The following LIPC variants were observed in gnomAD, a reference collection of about 807,000 sequenced individuals.
The protein encoded by LIPC is lipase C, hepatic type, also known as hepatic triacylglycerol lipase.
Under a neutral mutation model 50.7 loss-of-function variants are expected in LIPC, and 44 were observed. The ratio of observed to expected loss-of-function variants is 0.87; its 90% CI spans 0.68 to 1.11. The LOEUF (loss-of-function observed/expected upper bound fraction) is 1.11. Ranked by LOEUF, LIPC falls within the 50% of genes most tolerant of loss-of-function variation. The probability of loss-of-function intolerance (pLI) is 0.00; values close to 1 mark genes in which losing one functional copy is unlikely to be tolerated. For missense variants in LIPC, 697 were observed against 648.2 expected (o/e 1.08, Z -0.82); for synonymous variants, 271 against 256.4 (o/e 1.06, Z -0.54).
At chr15:58,439,031 G>GC (rs1170518424) in intron 1 of LIPC, among the ~76,000 whole-genome samples, 1 of 152,220 alleles carries the variant, frequency 6.6e-6, no homozygotes, top group East Asian at 1.9e-4. Flanking sequence ...CATATTCAGG[G>GC]CCTGGTGAAG....
At chr15:58,438,448 T>G (rs1384713453) in intron 1 of LIPC, among the ~76,000 whole-genome samples, 3 of 151,988 alleles carry the variant, frequency 2.0e-5, no homozygotes, top group South Asian at 2.1e-4. Flanking sequence ...AGCTGGGAAA[T>G]GGGGTCCAAC....
chr15:58,477,455 G>A (rs1891039068), intron 1 of LIPC, among the ~76,000 whole-genome samples: 1 of 152,230 alleles, frequency 6.6e-6, no homozygotes, highest in African/African-American at 2.4e-5. Flanking sequence ...GGGGAAGTGT[G>A]GGTGGAGCTT....
intron 1 of LIPC, among the ~76,000 whole-genome samples, chr15:58,453,292 C>T (rs1481128629): frequency 6.6e-6 from 1 of 152,132 alleles, no homozygotes; most frequent in Non-Finnish European, 1.5e-5. Flanking sequence ...ATCCCCAGCA[C>T]CACATGGGAC....
chr15:58,502,186 T>C (rs1892006159), intron 1 of LIPC, among the ~76,000 whole-genome samples: 3 of 152,186 alleles, frequency 2.0e-5, no homozygotes, highest in Admixed American at 2.0e-4. Context: ...TCTTCTCATT[T>C]TCTTTCCTTC....
At chr15:58,447,890 T>C (rs1344500190) in intron 1 of LIPC, among the ~76,000 whole-genome samples, 1 of 152,220 alleles carries the variant, frequency 6.6e-6, no homozygotes, top group Non-Finnish European at 1.5e-5. Flanking sequence ...GGCAGTGTTC[T>C]AGCACTGGAG....
intron 1 of LIPC, among the ~76,000 whole-genome samples, chr15:58,532,735 T>C (rs1484133064): frequency 1.3e-5 from 2 of 152,172 alleles, no homozygotes; most frequent in African/African-American, 4.8e-5. Flanking sequence ...CCTCCTATGG[T>C]AGAATCCCTG....
At position 58,482,703 on chromosome 15, in the gene LIPC, CCT is replaced by C. The variant is rs544718828; in HGVS notation, c.88+50584_88+50585del. On this transcript the variant is annotated intron_variant, in intron 1 of 8. Coordinates refer to ENST00000299022, the MANE Select transcript of LIPC (RefSeq NM_000236.3). ...AGACCCCTGGATGTCCCCCTAATCC[CCT>C]GAGAAGTACATCCTGTATTTCTGAG... is the stretch of plus-strand genomic sequence containing the variant. Among the ~76,000 whole-genome samples, 303 of 152,272 alleles carry C rather than the reference CCT, an allele frequency of 2.0e-3. 2 individuals carry two copies. Among genetic ancestry groups the C allele is most frequent in the African/African-American group, 7.2e-3 (298 of 41,564 alleles).
chr15:58,528,369 A>G (rs530926157), intron 1 of LIPC, among the ~76,000 whole-genome samples: 1 of 152,200 alleles, frequency 6.6e-6, no homozygotes, highest in Non-Finnish European at 1.5e-5. Context: ...TCTGTCACTC[A>G]TAATAATCCT....
intron 1 of LIPC, 90 bp from the exon 2 acceptor site, chr15:58,538,242 CT>C: frequency 8.0e-7 from 1 of 1,246,074 alleles, no homozygotes. Flanking sequence ...ACCTCTTTGG[CT>C]TGTGCTTGTA....
At chr15:58,491,975 A>G (rs1891601268) in intron 1 of LIPC, among the ~76,000 whole-genome samples, 1 of 152,186 alleles carries the variant, frequency 6.6e-6, no homozygotes, top group Non-Finnish European at 1.5e-5. Flanking sequence ...CCAGCTCTGT[A>G]GCTGCATTTC....
At chr15:58,538,602 A>G (rs1893221680) in intron 2 of LIPC, 85 bp downstream of exon 2, 1 of 1,380,856 alleles carries the variant, frequency 7.2e-7, no homozygotes, top group South Asian at 1.2e-5. Flanking sequence ...ATAAAAAGAT[A>G]GGGAGCTGGT....
At chr15:58,518,907 A>G (rs1459292933) in intron 1 of LIPC, among the ~76,000 whole-genome samples, 2 of 151,644 alleles carry the variant, frequency 1.3e-5, no homozygotes, top group Non-Finnish European at 2.9e-5. Flanking sequence ...CACTCACAAC[A>G]CTCACAGAGC....
intron 1 of LIPC, among the ~76,000 whole-genome samples, chr15:58,486,658 C>T (rs1891387035): frequency 6.6e-6 from 1 of 152,182 alleles, no homozygotes; most frequent in African/African-American, 2.4e-5. Flanking sequence ...AGAGGGGAGG[C>T]AACGCAGGCG....
chr15:58,536,192 T>C (rs1893113803), intron 1 of LIPC, among the ~76,000 whole-genome samples: 1 of 152,182 alleles, frequency 6.6e-6, no homozygotes, highest in Non-Finnish European at 1.5e-5. Flanking sequence ...GAAGTCTCAG[T>C]TCCATTTTAA....
chr15:58,561,586 C>G lies in LIPC; in HGVS notation c.1169+605C>G, dbSNP rs527257391. ...TTCTCTCCCAGATCAGTGAAAAGAT[C>G]TGGATAGGGAAGGGAATTCTCTACA... On this transcript the variant is annotated intron_variant, in intron 7 of 8. Coordinates refer to ENST00000299022, the MANE Select transcript of LIPC (RefSeq NM_000236.3). 3.9e-5 allele frequency among the ~76,000 whole-genome samples: 6 copies of G among 152,278 alleles called. No homozygotes were observed. In the South Asian group the frequency reaches 8.3e-4, roughly 21 times the overall value.
chr15:58,540,522 T>C (rs2233735), intron 2 of LIPC, among the ~76,000 whole-genome samples: 2,301 of 152,194 alleles, frequency 0.015, 66 homozygotes, highest in African/African-American at 0.052. Context: ...CCCAAGATGC[T>C]CCATGCACAT....
intron 1 of LIPC, among the ~76,000 whole-genome samples, chr15:58,439,770 C>G (rs1326914716): frequency 6.6e-6 from 1 of 152,100 alleles, no homozygotes; most frequent in African/African-American, 2.4e-5. Flanking sequence ...ATTCTGGGGC[C>G]CTAACTACAG....
At chr15:58,511,950 A>C (rs1486158003) in intron 1 of LIPC, among the ~76,000 whole-genome samples, 14 of 152,226 alleles carry the variant, frequency 9.2e-5, no homozygotes, top group African/African-American at 2.7e-4. Context: ...ATACACACAC[A>C]TACACACAAT....
chr15:58,473,366 G>C (rs1445942062), intron 1 of LIPC, among the ~76,000 whole-genome samples: 1 of 152,164 alleles, frequency 6.6e-6, no homozygotes, highest in African/African-American at 2.4e-5. Flanking sequence ...AGCCCTCGTG[G>C]TGAGGAAAGC....
Sources: allele counts gnomAD v4.1 joint callset (sites outside exome capture counted in the v4.1 genomes callset), GRCh38; gene constraint gnomAD v4.1.1; transcripts MANE v1.5; gene names NCBI Gene and HGNC (gene_info 2026-07-23, HGNC 2026-07-21).